The following PLSCR4 variants were observed in gnomAD, a reference collection of about 807,000 sequenced individuals.
PLSCR4 encodes the protein phospholipid scramblase 4, also known as Ca(2+)-dependent phospholipid scramblase 4.
In PLSCR4, 25 loss-of-function variants were observed where a neutral mutation model predicts 36.3. That is an observed-to-expected ratio of 0.69 (90% CI 0.50 to 0.96). The LOEUF (loss-of-function observed/expected upper bound fraction) is 0.96, where lower values mean the gene tolerates loss of function less well. PLSCR4 is among the 40% of genes least tolerant of loss of function. PLSCR4 has a pLI of 0.00. For synonymous variants in PLSCR4, 122 were observed against 132.9 expected, an observed-to-expected ratio of 0.92 and a Z score of 0.56; for missense variants, 408 against 414.7, an observed-to-expected ratio of 0.98 and a Z score of 0.14.
chr3:146,196,744 T>G lies in PLSCR4; in HGVS notation c.674A>C (p.His225Pro). 6.2e-7 allele frequency: 1 copy of G among 1,613,958 alleles called. No homozygotes were observed. Among genetic ancestry groups the G allele is most frequent in the Non-Finnish European group, 8.5e-7 (1 of 1,179,910 alleles). The change falls in exon 7 of 9, where the codon CAT becomes CCT. Residue 225 changes from histidine to proline, a missense_variant. His to Pro is a moderately conservative substitution (Grantham distance 77). Transcript: ENST00000354952. ...GTACACCGCCCTGCACAGGTTCCAA[T>G]GTTCCGCAACAAAGCCAATGGTGAC... ...PGVTIGFVAE[H>P]WNLCRAVYSI...
rs772540798 is a variant in PLSCR4 at position 146,199,852 on chromosome 3, G to A, written c.585C>T (p.Cys195=). The A allele has an allele frequency of 1.2e-6, 2 of 1,613,462 alleles. No individual in the cohort carries two copies. Among genetic ancestry groups the A allele is most frequent in the South Asian group, 1.1e-5 (1 of 91,058 alleles). ...EIMTMQRPFR[C]TCCCFCCPSA... is the part of the protein sequence containing the mutation. The stretch of plus-strand genomic sequence containing the variant: ...AGGGGCAACAGAAGCAACAGCAGGT[G>A]CATCTGAAGGGTCTCTGCATTGTCA... Residue 195 remains cysteine (C), a synonymous_variant, in exon 6 of 9, where the codon TGC becomes TGT. Transcript: ENST00000354952.
intron 1 of PLSCR4, among the ~76,000 whole-genome samples, chr3:146,226,335 T>C (rs943046784): frequency 6.6e-6 from 1 of 152,234 alleles, no homozygotes; most frequent in Non-Finnish European, 1.5e-5. Context: ...AGTGTGACCT[T>C]CTTCTAACTA....
At position 146,193,793 on chromosome 3, in the gene PLSCR4, A is replaced by T. The variant is rs1256700521; in HGVS notation, c.*618T>A. The stretch of plus-strand genomic sequence containing the variant: ...ACAAGCATGGAATATATAAACTTTA[A>T]CATTAAAAAATGTTTTATTTTGTAA... On this transcript the variant is annotated 3_prime_UTR_variant, in exon 9 of 9. Transcript: ENST00000354952. 1 of 152,216 alleles carries T rather than the reference A, an allele frequency of 6.6e-6. No individual in the cohort carries two copies. Among genetic ancestry groups the T allele is most frequent in the Non-Finnish European group, 1.5e-5 (1 of 68,040 alleles). The allele number at this position is 152,216 out of a possible 1,614,324, so 9.4% of individuals were successfully genotyped here.
chr3:146,230,839 G>C (rs991217867), intron 1 of PLSCR4, among the ~76,000 whole-genome samples: 1 of 152,128 alleles, frequency 6.6e-6, no homozygotes, highest in Non-Finnish European at 1.5e-5. Flanking sequence ...TGTTTTAATG[G>C]TGTAGTCCTT....
chr3:146,196,798 A>AAAC lies in PLSCR4; in HGVS notation c.625-8_625-6dup. 6.2e-7 allele frequency: 1 copy of AAAC among 1,613,462 alleles called. No individual in the cohort carries two copies. The highest frequency in any genetic ancestry group is 1.7e-5 in the Admixed American group (1 of 59,862). On this transcript the variant is annotated splice_region_variant and splice_polypyrimidine_tract_variant and intron_variant, in intron 6 of 8. Coordinates refer to ENST00000354952, the MANE Select transcript of PLSCR4 (RefSeq NM_020353.3). Reference sequence around the variant, plus strand: ...AGGAGGACACTGCACCTCCAGCTGCAAACAAAACAGTGACAGAAGTTAGGA... The same window carrying AAAC: ...AGGAGGACACTGCACCTCCAGCTGCAAACAACAAAACAGTGACAGAAGTTAGGA...
chr3:146,199,529 T>C (rs936635506), intron 6 of PLSCR4, among the ~76,000 whole-genome samples: 22 of 152,166 alleles, frequency 1.4e-4, no homozygotes, highest in Admixed American at 3.3e-4. Context: ...GGTAGGTAAA[T>C]TTCTAATTAA....
intron 5 of PLSCR4, 129 bp from the exon 6 acceptor site, chr3:146,200,168 T>A (rs993257533): frequency 3.6e-5 from 22 of 607,978 alleles, no homozygotes; most frequent in Admixed American, 5.8e-5. Context: ...ATATGTAGAA[T>A]TGATTAGAGT....
intron 1 of PLSCR4, among the ~76,000 whole-genome samples, chr3:146,238,138 G>A (rs2035993583): frequency 6.6e-6 from 1 of 150,764 alleles, no homozygotes; most frequent in Admixed American, 6.6e-5. Context: ...ACTGACTCAA[G>A]AAGAAACAGG....
chr3:146,236,263 CA>C (rs1481934143), intron 1 of PLSCR4, among the ~76,000 whole-genome samples: 1 of 151,910 alleles, frequency 6.6e-6, no homozygotes, highest in African/African-American at 2.4e-5. Context: ...AGGAGGTCCC[CA>C]GAGTCATCAA....
At chr3:146,247,885 G>C (rs1212053904) in intron 1 of PLSCR4, among the ~76,000 whole-genome samples, 1 of 152,180 alleles carries the variant, frequency 6.6e-6, no homozygotes, top group Non-Finnish European at 1.5e-5. Context: ...GCCTCTCAAA[G>C]TACTGTGATA....
At position 146,242,992 on chromosome 3, in the gene PLSCR4, A is replaced by G. The variant is rs1044514459; in HGVS notation, c.-22+7968T>C. Among the ~76,000 whole-genome samples the G allele has an allele frequency of 1.8e-4, 28 of 152,184 alleles. 1 individual carries two copies. The highest frequency in any genetic ancestry group is 2.8e-4 in the Non-Finnish European group (19 of 68,032). ...TTTCTCCACCAGAGAAAGCCCCCAA[A>G]GGCTTTAATCCCAAAACAGTAACCC... is the stretch of plus-strand genomic sequence containing the variant. On this transcript the variant is annotated intron_variant, in intron 1 of 8. Coordinates refer to ENST00000354952, the MANE Select transcript of PLSCR4 (RefSeq NM_020353.3).
chr3:146,236,961 C>G (rs1263196404), intron 1 of PLSCR4, among the ~76,000 whole-genome samples: 2 of 151,746 alleles, frequency 1.3e-5, no homozygotes, highest in Non-Finnish European at 2.9e-5. Flanking sequence ...GATATAGTTC[C>G]TACCTTACCA....
At chr3:146,198,095 T>C (rs2033846874) in intron 6 of PLSCR4, among the ~76,000 whole-genome samples, 1 of 152,136 alleles carries the variant, frequency 6.6e-6, no homozygotes, top group Non-Finnish European at 1.5e-5. Context: ...ACATACTATA[T>C]GATTCTGCTA....
intron 3 of PLSCR4, among the ~76,000 whole-genome samples, chr3:146,208,829 T>A (rs1243108201): frequency 1.3e-5 from 2 of 152,044 alleles, no homozygotes; most frequent in African/African-American, 4.8e-5. Flanking sequence ...TAAACTAGTA[T>A]AGCCACTATG....
chr3:146,206,158 TTG>T (rs2034316509), intron 4 of PLSCR4, among the ~76,000 whole-genome samples: 1 of 152,052 alleles, frequency 6.6e-6, no homozygotes, highest in African/African-American at 2.4e-5. Flanking sequence ...ACCCACTGTA[TTG>T]TGTTTTGTTC....
chr3:146,204,688 G>A (rs2034225439), intron 4 of PLSCR4, among the ~76,000 whole-genome samples: 1 of 151,770 alleles, frequency 6.6e-6, no homozygotes, highest in Admixed American at 6.6e-5. Flanking sequence ...AAGAAATTAA[G>A]AAACAAGTTT....
At chr3:146,239,832 G>A (rs143714079) in intron 1 of PLSCR4, among the ~76,000 whole-genome samples, 6 of 152,058 alleles carry the variant, frequency 3.9e-5, no homozygotes, top group East Asian at 1.9e-4. Context: ...GCTCTGAGCC[G>A]AGATTGCACC....
At chr3:146,210,213 A>G (rs2034546634) in intron 3 of PLSCR4, among the ~76,000 whole-genome samples, 1 of 152,054 alleles carries the variant, frequency 6.6e-6, no homozygotes, top group Non-Finnish European at 1.5e-5. Flanking sequence ...GTGCTTTTAA[A>G]ATATTTTTAA....
At position 146,249,576 on chromosome 3, in the gene PLSCR4, A is replaced by G. The variant is rs550494969; in HGVS notation, c.-22+1384T>C. ...TTTATTATATGAAGAAGTCTCCACT[A>G]TATATATGTGTGTATGTATAATATT... On this transcript the variant is annotated intron_variant, in intron 1 of 8. Coordinates refer to ENST00000354952, the MANE Select transcript of PLSCR4 (RefSeq NM_020353.3). 1.3e-4 allele frequency among the ~76,000 whole-genome samples: 20 copies of G among 151,378 alleles called. No homozygotes were observed. The South Asian group carries it at 3.7e-3, about 28-fold the overall frequency.
Sources: gnomAD v4.1 joint callset for allele counts (sites outside exome capture counted in the v4.1 genomes callset) on GRCh38, gnomAD v4.1.1 for gene constraint, MANE v1.5 for transcripts, NCBI Gene and HGNC (gene_info 2026-07-23, HGNC 2026-07-21) for gene names.